HNRNPK: variants seen among roughly 807,000 people sequenced by gnomAD.
HNRNPK encodes the protein dC-stretch binding protein.
In HNRNPK, 7 loss-of-function variants were observed where a neutral mutation model predicts 67.0. The ratio of observed to expected loss-of-function variants is 0.10; its 90% CI spans 0.06 to 0.20. HNRNPK has a LOEUF of 0.20. Ranked by LOEUF, HNRNPK falls within the 10% of genes least tolerant of loss-of-function variation. HNRNPK has a pLI of 1.00. For synonymous variants in HNRNPK, 213 were observed against 193.7 expected (o/e 1.10, Z -0.83); for missense variants, 264 against 606.5 (o/e 0.44, Z 5.93).
intron 4 of HNRNPK, 69 bp from the exon 5 acceptor site, chr9:83,977,120 G>A (rs1957103085): frequency 9.0e-7 from 1 of 1,108,870 alleles, no homozygotes; most frequent in South Asian, 1.3e-5. Context: ...TACGCTCTTA[G>A]ATTTTGCTAA....
At chr9:83,975,301 A>G in intron 6 of HNRNPK, 161 bp downstream of exon 6, 1 of 670,360 alleles carries the variant, frequency 1.5e-6, no homozygotes, top group Non-Finnish European at 2.6e-6. Context: ...ACTCACGGTA[A>G]AAGTTCAGTG....
chr9:83,972,065 C>G lies in HNRNPK; in HGVS notation c.770G>C (p.Gly257Ala), dbSNP rs1956871226. 5 of 1,613,952 alleles carry G rather than the reference C, an allele frequency of 3.1e-6. No homozygotes were observed. Among genetic ancestry groups the G allele is most frequent in the Non-Finnish European group, 4.2e-6 (5 of 1,179,860 alleles). Residue 257 changes from glycine (G) to alanine (A), a missense_variant, in exon 11 of 17, where the codon GGA (glycine) becomes GCA (alanine). By Grantham distance (60) the Gly-to-Ala change is moderately conservative. Coordinates refer to ENST00000376263, the MANE Select transcript of HNRNPK (RefSeq NM_031263.4). ...AGGCATTCTGTCAAAACCACCTCTT[C>G]CCCGCATGGGAAATCCCACTGGGCG... ...RGRPVGFPMR[G>A]RGGFDRMPPG...
At chr9:83,974,325 T>G in intron 7 of HNRNPK, among the ~76,000 whole-genome samples, 192 bp downstream of exon 7, 1 of 146,220 alleles carries the variant, frequency 6.8e-6, no homozygotes, top group Non-Finnish European at 1.5e-5. Flanking sequence ...ACTCCAGGAG[T>G]GGCCAGCCTG....
intron 12 of HNRNPK, 67 bp from the exon 13 acceptor site, chr9:83,971,423 C>G (rs572274082): frequency 1.4e-4 from 150 of 1,088,278 alleles, no homozygotes; most frequent in Non-Finnish European, 2.1e-4. Flanking sequence ...TTTTAATATG[C>G]CTAATTTGCA....
At chr9:83,976,817 A>G (rs926459808) in intron 5 of HNRNPK, 178 bp downstream of exon 5, 2 of 457,344 alleles carry the variant, frequency 4.4e-6, no homozygotes, top group South Asian at 1.0e-4. Context: ...ACCCTGCTCA[A>G]TCTGGGCTTT....
rs1436449643 is a variant in HNRNPK, at chr9:83,973,884, A to G, written c.402+18T>C. On this transcript the variant is annotated intron_variant, in intron 8 of 16. Coordinates refer to ENST00000376263, the MANE Select transcript of HNRNPK (RefSeq NM_031263.4). Reference sequence around the variant, plus strand: ...CAGGCTCCATACTTCAGTGGGGTTCAATGGCACTATGACATACATTTAAGC... The same window carrying G: ...CAGGCTCCATACTTCAGTGGGGTTCGATGGCACTATGACATACATTTAAGC... 1 of 1,599,116 alleles carries G rather than the reference A, an allele frequency of 6.3e-7. No individual in the cohort carries two copies. The highest frequency in any genetic ancestry group is 1.1e-5 in the South Asian group (1 of 90,724).
At chr9:83,978,159 T>G (rs761645333) in intron 3 of HNRNPK, 36 bp downstream of exon 3, 1 of 1,366,310 alleles carries the variant, frequency 7.3e-7, no homozygotes. Flanking sequence ...ATTAACAGGA[T>G]AAAAAAATAC....
At position 83,972,115 on chromosome 9, in the gene HNRNPK, T is replaced by G. The variant is rs1564061948; in HGVS notation, c.720A>C (p.Thr240=). 5 of 1,613,854 alleles carry G rather than the reference T, an allele frequency of 3.1e-6. No homozygotes were observed. The highest frequency in any genetic ancestry group is 4.2e-6 in the Non-Finnish European group (5 of 1,179,826). ...GTCCGCGACGGTCATCAAACATCAT[T>G]GTAAAACCACCATAATCATAGGTTT... ...YDETYDYGGF[T]MMFDDRRGRP... Residue 240 remains threonine, a synonymous_variant, in exon 11 of 17, where the codon ACA becomes ACC. Transcript: ENST00000376263.
At position 83,969,444 on chromosome 9, in the gene HNRNPK, T is replaced by TA. The variant is rs1956719491; in HGVS notation, c.1362-5dup. The TA allele has an allele frequency of 1.9e-6, 3 of 1,570,078 alleles. No individual in the cohort carries two copies. Among genetic ancestry groups the TA allele is most frequent in the Admixed American group, 1.9e-5 (1 of 53,398 alleles). On this transcript the variant is annotated splice_polypyrimidine_tract_variant and splice_region_variant and intron_variant, in intron 16 of 16. Coordinates refer to ENST00000376263, the MANE Select transcript of HNRNPK (RefSeq NM_031263.4). ...AACATCTGCATACTGCTTCACACTA[T>TA]AAAAGAAAAGAAAAAAAAGTGCGAA...
In HNRNPK at chr9:83,973,955, G is replaced by A; in HGVS notation, c.349C>T (p.Pro117Ser). 2 of 1,613,138 alleles carry A rather than the reference G, an allele frequency of 1.2e-6. No individual in the cohort carries two copies. Among genetic ancestry groups the A allele is most frequent in the Non-Finnish European group, 1.7e-6 (2 of 1,179,176 alleles). ...TLEEGLQLPS[P>S]TATSQLPLES... ...AGCGGGAGCTGGCTGGTTGCAGTGG[G>A]TGATGGCAACTGCAGGCCCTGAAAG... Residue 117 changes from proline (P) to serine (S), a missense_variant, in exon 8 of 17, where the codon CCC becomes TCC. Coordinates refer to ENST00000376263, the MANE Select transcript of HNRNPK (RefSeq NM_031263.4).
intron 4 of HNRNPK, 129 bp from the exon 5 acceptor site, chr9:83,977,180 T>A: frequency 6.0e-6 from 4 of 666,714 alleles, no homozygotes; most frequent in South Asian, 1.9e-5. Context: ...TTTGGGGTTG[T>A]AAAAACGACC....
Position 83,972,106 on chromosome 9 carries a change from A to G in HNRNPK, c.729T>C (p.Phe243=). 1 of 1,613,942 alleles carries G rather than the reference A, an allele frequency of 6.2e-7. No individual in the cohort carries two copies. The highest frequency in any genetic ancestry group is 8.5e-7 in the Non-Finnish European group (1 of 1,179,844). ...CCACTGGGCGTCCGCGACGGTCATC[A>G]AACATCATTGTAAAACCACCATAAT... The part of the protein sequence containing the change: ...TYDYGGFTMM[F]DDRRGRPVGF... Residue 243 remains phenylalanine, a synonymous_variant, in exon 11 of 17, where the codon TTT becomes TTC. Transcript: ENST00000376263.
intron 11 of HNRNPK, 55 bp from the exon 12 acceptor site, chr9:83,971,781 A>C: frequency 6.3e-7 from 1 of 1,598,202 alleles, no homozygotes; most frequent in Non-Finnish European, 8.6e-7. Context: ...ACACATATCA[A>C]ATCAAAGTCT....
intron 16 of HNRNPK, chr9:83,969,696 A>C: frequency 1.6e-6 from 1 of 610,432 alleles, no homozygotes; most frequent in Non-Finnish European, 3.0e-6. Context: ...GAAAAGACAA[A>C]GAATGCTAGT....
intron 4 of HNRNPK, among the ~76,000 whole-genome samples, 177 bp from the exon 5 acceptor site, chr9:83,977,228 AGT>A (rs1250941082): frequency 6.6e-6 from 1 of 152,232 alleles, no homozygotes; most frequent in Non-Finnish European, 1.5e-5. Flanking sequence ...TATAATTCTA[AGT>A]GCTGTGAGGA....
intron 8 of HNRNPK, among the ~76,000 whole-genome samples, chr9:83,973,696 A>G (rs923410918): frequency 2.0e-5 from 3 of 152,236 alleles, no homozygotes; most frequent in African/African-American, 7.2e-5. Context: ...ACACCATAAT[A>G]AAAATGACTG....
Position 83,975,516 on chromosome 9 carries a change from C to G in HNRNPK, c.214-11G>C, listed in dbSNP as rs1225060880. 6.2e-7 allele frequency: 1 copy of G among 1,611,422 alleles called. No individual in the cohort carries two copies. The highest frequency in any genetic ancestry group is 1.7e-5 in the Admixed American group (1 of 60,020). ...AACACTGGCATTGTACTGCATTGGT[C>G]ATTGGCGTTCGTGGATGTTGGCATT... On this transcript the variant is annotated splice_polypyrimidine_tract_variant and intron_variant, in intron 5 of 16. Transcript: ENST00000376263.
chr9:83,970,812 G>C lies in HNRNPK; in HGVS notation c.1116C>G (p.Ser372=). The C allele has an allele frequency of 6.2e-7, 1 of 1,610,528 alleles. No individual in the cohort carries two copies. Among genetic ancestry groups the C allele is most frequent in the Non-Finnish European group, 8.5e-7 (1 of 1,177,056 alleles). ...EPQGGSGYDY[S]YAGGRGSYGD... is the part of the protein sequence containing the mutation. Reference sequence around the variant, plus strand: ...CATATGAGCCACGACCCCCTGCATAGGAATAATCTGATTTAAATAATGAGC... The same window carrying C: ...CATATGAGCCACGACCCCCTGCATACGAATAATCTGATTTAAATAATGAGC... Residue 372 remains serine, a synonymous_variant, in exon 15 of 17, where the codon TCC becomes TCG. Coordinates refer to ENST00000376263, the MANE Select transcript of HNRNPK (RefSeq NM_031263.4).
In HNRNPK at chr9:83,974,088, G is replaced by A. The variant is rs1012521588; in HGVS notation, c.331-115C>T. On this transcript the variant is annotated intron_variant, in intron 7 of 16. Coordinates refer to ENST00000376263, the MANE Select transcript of HNRNPK (RefSeq NM_031263.4). ...TTAAATCTATATTATTAAATAATGAGAAACTGCTTTATTCAACATTAAGAC... is the reference window on the plus strand; with the variant it reads ...TTAAATCTATATTATTAAATAATGAAAAACTGCTTTATTCAACATTAAGAC... 7 of 630,470 alleles carry A rather than the reference G, an allele frequency of 1.1e-5. No individual in the cohort carries two copies. The South Asian group carries it at 1.3e-4, about 12-fold the overall frequency. The allele number at this position is 630,470 out of a possible 1,614,324, so 39.1% of individuals were successfully genotyped here. A position where few individuals can be genotyped will look rare whatever the true frequency, so the allele number is the denominator to read the frequency against.
Sources: allele counts gnomAD v4.1 joint callset (sites outside exome capture counted in the v4.1 genomes callset), GRCh38; gene constraint gnomAD v4.1.1; transcripts MANE v1.5; gene names NCBI Gene and HGNC (gene_info 2026-07-23, HGNC 2026-07-21).